Variants in BMP6 observed in about 807,000 individuals in gnomAD.
BMP6 encodes VG-1-R.
BMP6 carries 17 observed loss-of-function variants against 54.1 expected under a neutral mutation model. That is an observed-to-expected ratio of 0.31 (90% CI 0.22 to 0.47). BMP6 has a LOEUF of 0.47. Ranked by LOEUF, BMP6 falls within the 20% of genes least tolerant of loss-of-function variation. BMP6 has a pLI of 1.00. For synonymous variants in BMP6, 328 were observed against 291.2 expected, an observed-to-expected ratio of 1.13 and a Z score of -1.28; for missense variants, 720 against 690.4, an observed-to-expected ratio of 1.04 and a Z score of -0.48.
chr6:7,844,635 A>G lies in BMP6; in HGVS notation c.665-505A>G, dbSNP rs1291054000. Reference sequence around the variant, plus strand: ...TTCCCCACCCGCAGCCATCCCCACCAATGTTCAGCTCAGGGCTGCCCTTGG... The same window carrying G: ...TTCCCCACCCGCAGCCATCCCCACCGATGTTCAGCTCAGGGCTGCCCTTGG... On this transcript the variant is annotated intron_variant, in intron 1 of 6. Coordinates refer to ENST00000283147, the MANE Select transcript of BMP6 (RefSeq NM_001718.6). 2.0e-5 allele frequency among the ~76,000 whole-genome samples: 3 copies of G among 149,380 alleles called. No homozygotes were observed. In the East Asian group the frequency reaches 6.2e-4, roughly 31 times the overall value.
chr6:7,763,835 T>C (rs1169558208), intron 1 of BMP6, among the ~76,000 whole-genome samples: 2 of 152,150 alleles, frequency 1.3e-5, no homozygotes, highest in Admixed American at 6.5e-5. Context: ...ATGGTGACCT[T>C]CTCTCTGCCC....
intron 1 of BMP6, among the ~76,000 whole-genome samples, chr6:7,765,148 G>A (rs1341995847): frequency 6.6e-6 from 1 of 152,110 alleles, no homozygotes; most frequent in Non-Finnish European, 1.5e-5. Flanking sequence ...TGTAGGCCTC[G>A]AGTTTCCCAG....
At chr6:7,863,855 C>G (rs1421298809) in intron 4 of BMP6, among the ~76,000 whole-genome samples, 5 of 152,004 alleles carry the variant, frequency 3.3e-5, no homozygotes. Flanking sequence ...CCCATCCCTA[C>G]TAAAAATACA....
intron 1 of BMP6, among the ~76,000 whole-genome samples, chr6:7,746,033 A>G (rs929595717): frequency 4.6e-5 from 7 of 152,196 alleles, no homozygotes; most frequent in African/African-American, 1.4e-4. Flanking sequence ...TTCAGGGTAC[A>G]TGACATTCAG....
chr6:7,833,337 C>T (rs1039239386), intron 1 of BMP6, among the ~76,000 whole-genome samples: 2 of 151,962 alleles, frequency 1.3e-5, no homozygotes, highest in African/African-American at 4.8e-5. Flanking sequence ...CTATATTGGA[C>T]AGTATAGTTC....
chr6:7,812,494 A>G (rs1185604331), intron 1 of BMP6, among the ~76,000 whole-genome samples: 1 of 152,234 alleles, frequency 6.6e-6, no homozygotes, highest in Non-Finnish European at 1.5e-5. Context: ...GTACACATGT[A>G]GATACATTTC....
chr6:7,745,840 TG>T (rs1757338620), intron 1 of BMP6, among the ~76,000 whole-genome samples: 1 of 151,938 alleles, frequency 6.6e-6, no homozygotes, highest in African/African-American at 2.4e-5. Flanking sequence ...TGGTGGTGCC[TG>T]CCTGTAATCC....
At chr6:7,850,518 A>G (rs1759125992) in intron 2 of BMP6, among the ~76,000 whole-genome samples, 1 of 152,200 alleles carries the variant, frequency 6.6e-6, no homozygotes, top group African/African-American at 2.4e-5. Flanking sequence ...ACAATCCCAG[A>G]CTGAACTATT....
chr6:7,783,404 G>T (rs936291695), intron 1 of BMP6, among the ~76,000 whole-genome samples: 2 of 152,202 alleles, frequency 1.3e-5, no homozygotes, highest in African/African-American at 4.8e-5. Flanking sequence ...CGCTTCAAAG[G>T]TTCCATTTTT....
chr6:7,810,190 C>T (rs888005329), intron 1 of BMP6, among the ~76,000 whole-genome samples: 2 of 152,114 alleles, frequency 1.3e-5, no homozygotes, highest in African/African-American at 4.8e-5. Context: ...ACATTTGCTC[C>T]AGGCCAATTG....
At chr6:7,808,741 A>G (rs1287401965) in intron 1 of BMP6, among the ~76,000 whole-genome samples, 2 of 151,868 alleles carry the variant, frequency 1.3e-5, no homozygotes, top group Admixed American at 1.3e-4. Flanking sequence ...TGACAAGATC[A>G]TGTCTCAAAC....
chr6:7,824,373 A>G (rs993825620), intron 1 of BMP6, among the ~76,000 whole-genome samples: 1 of 152,198 alleles, frequency 6.6e-6, no homozygotes, highest in African/African-American at 2.4e-5. Flanking sequence ...CCTTGAGGCC[A>G]TTGTGAGTCC....
chr6:7,778,233 T>C (rs538827789), intron 1 of BMP6, among the ~76,000 whole-genome samples: 1 of 152,316 alleles, frequency 6.6e-6, no homozygotes, highest in East Asian at 1.9e-4. Context: ...ATGCACGTTG[T>C]AGAAAAAGAA....
chr6:7,742,675 A>G lies in BMP6; in HGVS notation c.664+15056A>G, dbSNP rs946773173. Among the ~76,000 whole-genome samples the G allele has an allele frequency of 7.2e-5, 11 of 152,164 alleles. No homozygotes were observed. In the East Asian group the frequency reaches 1.9e-3, roughly 27 times the overall value. ...TATTGCTTCACTGTATTTCCAGACC[A>G]TTGGTGAAATGAATCAGGCAGAATT... On this transcript the variant is annotated intron_variant, in intron 1 of 6. Transcript: ENST00000283147.
At chr6:7,828,966 G>A (rs896430323) in intron 1 of BMP6, among the ~76,000 whole-genome samples, 5 of 152,186 alleles carry the variant, frequency 3.3e-5, no homozygotes, top group African/African-American at 7.2e-5. Context: ...TGGCACAGTG[G>A]TGCTGTGCCG....
At chr6:7,768,260 G>A (rs1045334699) in intron 1 of BMP6, among the ~76,000 whole-genome samples, 2 of 152,104 alleles carry the variant, frequency 1.3e-5, no homozygotes, top group African/African-American at 4.8e-5. Flanking sequence ...GGAGGACCTG[G>A]TCCAGCTCCT....
intron 1 of BMP6, among the ~76,000 whole-genome samples, chr6:7,830,359 A>G (rs111438538): frequency 8.7e-4 from 132 of 152,250 alleles, no homozygotes; most frequent in African/African-American, 3.1e-3. Flanking sequence ...TGAGCCTACT[A>G]TGTGCCAGGT....
chr6:7,880,548 T>TAG lies in BMP6; in HGVS notation c.*206_*207dup, dbSNP rs1197653368. 1.5e-6 allele frequency: 1 copy of TAG among 664,190 alleles called. No homozygotes were observed. Among genetic ancestry groups the TAG allele is most frequent in the African/African-American group, 1.8e-5 (1 of 54,854 alleles). 41.1% of individuals were successfully genotyped at this position (664,190 alleles called of 1,614,324 possible). On this transcript the variant is annotated 3_prime_UTR_variant, in exon 7 of 7. Transcript: ENST00000283147. The stretch of plus-strand genomic sequence containing the variant: ...AATGACGTGAGTAGTTGTTGGTCTG[T>TAG]AGCAAGCTGAGTTTGGATGTCTGTA...
At chr6:7,838,364 G>C (rs1758908987) in intron 1 of BMP6, among the ~76,000 whole-genome samples, 1 of 152,098 alleles carries the variant, frequency 6.6e-6, no homozygotes, top group Non-Finnish European at 1.5e-5. Flanking sequence ...ATCCCCCTCG[G>C]ATAAGAGGGG....
Sources: allele counts gnomAD v4.1 joint callset (sites outside exome capture counted in the v4.1 genomes callset), GRCh38; gene constraint gnomAD v4.1.1; transcripts MANE v1.5; gene names NCBI Gene and HGNC (gene_info 2026-07-23, HGNC 2026-07-21).